Variants in PPP2R3A observed in about 807,000 individuals in gnomAD.
The protein encoded by PPP2R3A is protein phosphatase 2 regulatory subunit B''alpha.
PPP2R3A carries 80 observed loss-of-function variants against 106.9 expected under a neutral mutation model. The observed-to-expected ratio is 0.75, with a 90% confidence interval of 0.62 to 0.90. The LOEUF is 0.90. Ranked by LOEUF, PPP2R3A falls within the 40% of genes least tolerant of loss-of-function variation. The pLI, the probability that PPP2R3A is intolerant of heterozygous loss-of-function variation, is 0.00. For missense variants in PPP2R3A, 1,386 were observed against 1,350.4 expected, an observed-to-expected ratio of 1.03 and a Z score of -0.41; for synonymous variants, 483 against 468.3, an observed-to-expected ratio of 1.03 and a Z score of -0.41.
intron 2 of PPP2R3A, among the ~76,000 whole-genome samples, chr3:136,008,006 A>T (rs1028671859): frequency 2.3e-4 from 35 of 152,098 alleles, no homozygotes; most frequent in African/African-American, 8.2e-4. Flanking sequence ...GAAATAAAGA[A>T]CCTTCCTATG....
chr3:136,019,519 T>C (rs1934389972), intron 2 of PPP2R3A, among the ~76,000 whole-genome samples: 1 of 152,186 alleles, frequency 6.6e-6, no homozygotes, highest in Non-Finnish European at 1.5e-5. Flanking sequence ...TATTTCTCTG[T>C]AGTGAAATTC....
chr3:136,024,854 TA>T (rs1247537615), intron 2 of PPP2R3A, among the ~76,000 whole-genome samples: 1 of 152,178 alleles, frequency 6.6e-6, no homozygotes, highest in East Asian at 1.9e-4. Context: ...TGCCTTACTT[TA>T]GAATTTTAAG....
At chr3:136,089,350 G>A (rs541162907) in intron 9 of PPP2R3A, among the ~76,000 whole-genome samples, 157 of 152,074 alleles carry the variant, frequency 1.0e-3, no homozygotes, top group African/African-American at 3.1e-3. Context: ...TCTTTTTCCC[G>A]TTGTTTGTTT....
intron 1 of PPP2R3A, among the ~76,000 whole-genome samples, chr3:135,979,159 A>G (rs930003674): frequency 1.3e-4 from 20 of 151,796 alleles, no homozygotes; most frequent in Middle Eastern, 3.4e-3. Flanking sequence ...CAGGTGGATC[A>G]CCTGAGGTTA....
intron 10 of PPP2R3A, among the ~76,000 whole-genome samples, chr3:136,096,315 G>A (rs1937214796): frequency 6.6e-6 from 1 of 152,124 alleles, no homozygotes; most frequent in African/African-American, 2.4e-5. Flanking sequence ...TGAATTACAT[G>A]GGTTGAAAAA....
chr3:136,023,666 A>C (rs558726102), intron 2 of PPP2R3A, among the ~76,000 whole-genome samples: 1 of 152,264 alleles, frequency 6.6e-6, no homozygotes, highest in South Asian at 2.1e-4. Context: ...TAATCCTGGT[A>C]ATCTTTTTTT....
At chr3:136,043,207 C>T (rs1043412475) in intron 4 of PPP2R3A, among the ~76,000 whole-genome samples, 3 of 151,900 alleles carry the variant, frequency 2.0e-5, no homozygotes, top group African/African-American at 7.3e-5. Context: ...CGCCTGTAAT[C>T]CCAGCACTCT....
At chr3:136,030,385 A>G (rs1200456395) in intron 3 of PPP2R3A, among the ~76,000 whole-genome samples, 1 of 151,904 alleles carries the variant, frequency 6.6e-6, no homozygotes, top group Non-Finnish European at 1.5e-5. Flanking sequence ...TCTTCCAGTT[A>G]GCTAATTCTC....
intron 13 of PPP2R3A, among the ~76,000 whole-genome samples, chr3:136,136,045 CAAAAA>C (rs34558229): frequency 4.5e-5 from 1 of 22,364 alleles, no homozygotes; most frequent in Admixed American, 7.3e-4. Flanking sequence ...GACTCCGTCT[CAAAAA>C]AAAAAAAAAA....
At chr3:135,992,799 A>G (rs955605110) in intron 1 of PPP2R3A, among the ~76,000 whole-genome samples, 4 of 152,172 alleles carry the variant, frequency 2.6e-5, no homozygotes, top group African/African-American at 7.2e-5. Flanking sequence ...TTTTAAGGCC[A>G]CAAAAGTGGA....
intron 1 of PPP2R3A, among the ~76,000 whole-genome samples, chr3:135,989,940 A>G (rs1239870495): frequency 2.0e-5 from 3 of 152,202 alleles, no homozygotes; most frequent in African/African-American, 7.2e-5. Context: ...GCCCAAAAGG[A>G]TATTTACAAA....
intron 5 of PPP2R3A, among the ~76,000 whole-genome samples, chr3:136,063,628 A>G (rs1936156823): frequency 6.6e-6 from 1 of 152,246 alleles, no homozygotes; most frequent in East Asian, 1.9e-4. Flanking sequence ...ACACTTCTCG[A>G]AAGAAGACAT....
chr3:136,143,768 G>C (rs1476195189), intron 13 of PPP2R3A, among the ~76,000 whole-genome samples: 4 of 152,130 alleles, frequency 2.6e-5, no homozygotes, highest in Non-Finnish European at 5.9e-5. Flanking sequence ...TCCAGCCTGG[G>C]CGACACAGCG....
chr3:136,008,055 AGTATAGT>A (rs1933908753), intron 2 of PPP2R3A, among the ~76,000 whole-genome samples: 1 of 152,242 alleles, frequency 6.6e-6, no homozygotes, highest in Non-Finnish European at 1.5e-5. Context: ...TTGTTTAGAT[AGTATAGT>A]GTATAGTTTT....
chr3:136,130,602 G>A (rs1453583299), intron 13 of PPP2R3A, among the ~76,000 whole-genome samples: 1 of 151,986 alleles, frequency 6.6e-6, no homozygotes, highest in East Asian at 1.9e-4. Context: ...ATTTATAGAT[G>A]CAGTGCCATC....
intron 3 of PPP2R3A, among the ~76,000 whole-genome samples, chr3:136,033,467 ATTC>A (rs753640951): frequency 4.1e-4 from 63 of 152,130 alleles, no homozygotes; most frequent in African/African-American, 1.2e-3. Context: ...ATTGGTACCA[ATTC>A]TTCTTTGAAT....
intron 13 of PPP2R3A, among the ~76,000 whole-genome samples, chr3:136,112,339 A>G (rs1446379671): frequency 2.6e-5 from 4 of 152,198 alleles, no homozygotes; most frequent in Non-Finnish European, 2.9e-5. Flanking sequence ...GGAAGAGAGA[A>G]AGTCAAGCTA....
chr3:136,009,763 A>G (rs1007607451), intron 2 of PPP2R3A, among the ~76,000 whole-genome samples: 29 of 152,198 alleles, frequency 1.9e-4, no homozygotes, highest in Non-Finnish European at 3.2e-4. Context: ...AACCACTGCC[A>G]TAATTCGTCA....
At chr3:136,098,615 C>T (rs1224984874) in intron 10 of PPP2R3A, among the ~76,000 whole-genome samples, 1 of 152,172 alleles carries the variant, frequency 6.6e-6, no homozygotes, top group East Asian at 1.9e-4. Flanking sequence ...TTTAGAAAAA[C>T]ATTGTTCCCT....
Sources: allele counts gnomAD v4.1 joint callset (sites outside exome capture counted in the v4.1 genomes callset), GRCh38; gene constraint gnomAD v4.1.1; transcripts MANE v1.5; gene names NCBI Gene and HGNC (gene_info 2026-07-23, HGNC 2026-07-21).